The following CNTN4 variants were observed in gnomAD, a reference collection of about 807,000 sequenced individuals.
CNTN4 encodes contactin 4, also known as contactin-4.
CNTN4 carries 77 observed loss-of-function variants against 122.5 expected under a neutral mutation model. That is an observed-to-expected ratio of 0.63 (90% CI 0.52 to 0.76). The LOEUF is 0.76. Among genes scored for constraint, CNTN4 ranks in the 30% least tolerant of loss-of-function variants. The pLI is 0.00. For synonymous variants in CNTN4, 512 were observed against 447.0 expected (o/e 1.15, Z -1.83); for missense variants, 1,256 against 1,259.1 (o/e 1.00, Z 0.04).
At chr3:2,468,116 A>T (rs936910429) in intron 3 of CNTN4, among the ~76,000 whole-genome samples, 4 of 152,218 alleles carry the variant, frequency 2.6e-5, no homozygotes, top group Admixed American at 2.6e-4. Context: ...AAAGAGTCCT[A>T]TTCATAAGAC....
intron 3 of CNTN4, among the ~76,000 whole-genome samples, chr3:2,372,526 C>T (rs2045670338): frequency 6.6e-6 from 1 of 152,184 alleles, no homozygotes; most frequent in Non-Finnish European, 1.5e-5. Context: ...TGAAATTTGA[C>T]ACCAGGTTCC....
At chr3:2,227,205 T>G (rs1038492904) in intron 2 of CNTN4, among the ~76,000 whole-genome samples, 2 of 152,216 alleles carry the variant, frequency 1.3e-5, no homozygotes, top group Non-Finnish European at 2.9e-5. Flanking sequence ...ATTTGCAAAC[T>G]TCTATTATTT....
intron 12 of CNTN4, among the ~76,000 whole-genome samples, chr3:2,910,692 G>T (rs1384047736): frequency 6.6e-6 from 1 of 152,202 alleles, no homozygotes; most frequent in Non-Finnish European, 1.5e-5. Context: ...CTTTGAATTT[G>T]TGAATGAATA....
chr3:2,322,864 G>A (rs928545009), intron 2 of CNTN4, among the ~76,000 whole-genome samples: 3 of 152,030 alleles, frequency 2.0e-5, no homozygotes, highest in African/African-American at 7.2e-5. Context: ...AGGAAAAGTT[G>A]CTCTTTTCCT....
intron 2 of CNTN4, among the ~76,000 whole-genome samples, chr3:2,146,869 A>C (rs905356358): frequency 2.6e-5 from 4 of 151,938 alleles, no homozygotes; most frequent in African/African-American, 9.7e-5. Context: ...TTCATTCCAT[A>C]GTTTTTTGTT....
At chr3:2,386,715 G>A (rs550709164) in intron 3 of CNTN4, among the ~76,000 whole-genome samples, 4 of 152,236 alleles carry the variant, frequency 2.6e-5, no homozygotes, top group Admixed American at 1.3e-4. Flanking sequence ...CTTTAGAAAC[G>A]AAAGGGAAAC....
At chr3:2,618,470 G>T (rs1027446456) in intron 4 of CNTN4, among the ~76,000 whole-genome samples, 1 of 151,986 alleles carries the variant, frequency 6.6e-6, no homozygotes, top group Non-Finnish European at 1.5e-5. Flanking sequence ...CTATAAGATT[G>T]TTGTAAAAAG....
At chr3:3,024,329 G>T (rs115192932) in intron 14 of CNTN4, among the ~76,000 whole-genome samples, 1,931 of 149,338 alleles carry the variant, frequency 0.013, 44 homozygotes, top group African/African-American at 0.045. Context: ...GTCAAAATGG[G>T]GCTATTCCTT....
At chr3:2,882,425 A>G (rs2093922877) in intron 8 of CNTN4, among the ~76,000 whole-genome samples, 1 of 152,204 alleles carries the variant, frequency 6.6e-6, no homozygotes, top group Admixed American at 6.5e-5. Flanking sequence ...ATTGCAAAGC[A>G]TGGACTTAGT....
intron 4 of CNTN4, among the ~76,000 whole-genome samples, chr3:2,732,774 A>G (rs1035613855): frequency 2.0e-5 from 3 of 152,136 alleles, no homozygotes; most frequent in African/African-American, 7.2e-5. Flanking sequence ...AAAAGCTAGG[A>G]TATCTGGGTT....
At chr3:2,706,817 A>G (rs1203845615) in intron 4 of CNTN4, among the ~76,000 whole-genome samples, 2 of 152,176 alleles carry the variant, frequency 1.3e-5, no homozygotes, top group Admixed American at 6.5e-5. Context: ...TTTAAATTTC[A>G]TCTTTCCTGG....
chr3:2,792,989 C>A (rs777824892), intron 6 of CNTN4, among the ~76,000 whole-genome samples: 5 of 152,156 alleles, frequency 3.3e-5, no homozygotes, highest in Non-Finnish European at 7.3e-5. Flanking sequence ...TGACCTGAGA[C>A]ATGTAACCTC....
chr3:2,263,110 T>C (rs1357401574), intron 2 of CNTN4, among the ~76,000 whole-genome samples: 1 of 152,172 alleles, frequency 6.6e-6, no homozygotes, highest in Non-Finnish European at 1.5e-5. Context: ...CTTTTTCTTG[T>C]GGCCATGTGT....
At chr3:2,871,498 T>C (rs757050734) in intron 8 of CNTN4, among the ~76,000 whole-genome samples, 2 of 152,194 alleles carry the variant, frequency 1.3e-5, no homozygotes, top group Non-Finnish European at 2.9e-5. Flanking sequence ...TATTTTTTTC[T>C]TTTTGCTTGT....
intron 4 of CNTN4, among the ~76,000 whole-genome samples, chr3:2,637,855 T>A (rs2082732847): frequency 6.6e-6 from 1 of 152,174 alleles, no homozygotes; most frequent in Non-Finnish European, 1.5e-5. Context: ...ACGCTTCCCT[T>A]GATTGACTCT....
At chr3:2,954,985 A>G (rs1168202195) in intron 13 of CNTN4, among the ~76,000 whole-genome samples, 4 of 152,220 alleles carry the variant, frequency 2.6e-5, no homozygotes, top group Middle Eastern at 3.4e-3. Context: ...CCAATCACCT[A>G]GAATATTTTG....
intron 21 of CNTN4, among the ~76,000 whole-genome samples, 177 bp downstream of exon 21, chr3:3,042,599 T>G (rs1361295734): frequency 2.0e-5 from 3 of 152,226 alleles, no homozygotes; most frequent in South Asian, 2.1e-4. Context: ...AGACTACCCT[T>G]TTTCTATGTT....
At chr3:2,751,775 A>G (rs1178451723) in intron 6 of CNTN4, among the ~76,000 whole-genome samples, 1 of 151,892 alleles carries the variant, frequency 6.6e-6, no homozygotes, top group Non-Finnish European at 1.5e-5. Flanking sequence ...TCATATAAAC[A>G]CTGATATTTA....
chr3:2,178,336 T>C (rs2036848046), intron 2 of CNTN4, among the ~76,000 whole-genome samples: 1 of 152,086 alleles, frequency 6.6e-6, no homozygotes, highest in Non-Finnish European at 1.5e-5. Context: ...ATAGAAACGT[T>C]CTGGCATACA....
Sources: allele counts gnomAD v4.1 joint callset (sites outside exome capture counted in the v4.1 genomes callset), GRCh38; gene constraint gnomAD v4.1.1; transcripts MANE v1.5; gene names NCBI Gene and HGNC (gene_info 2026-07-23, HGNC 2026-07-21).